Variants in XPR1 observed in about 807,000 individuals in gnomAD.
XPR1 encodes the protein solute carrier family 53 member 1.
A neutral mutation model predicts 87.5 loss-of-function variants in XPR1; 28 were observed. The observed-to-expected ratio is 0.32, with a 90% CI of 0.24 to 0.44. The LOEUF is 0.44. XPR1 is among the 20% of genes least tolerant of loss of function. The pLI is 1.00. For synonymous variants in XPR1, 300 were observed against 306.1 expected, an observed-to-expected ratio of 0.98 and a Z score of 0.21; for missense variants, 559 against 862.3, an observed-to-expected ratio of 0.65 and a Z score of 4.41.
At chr1:180,650,079 A>T (rs982068863) in intron 1 of XPR1, among the ~76,000 whole-genome samples, 1 of 152,006 alleles carries the variant, frequency 6.6e-6, no homozygotes, top group African/African-American at 2.4e-5. Context: ...AAAACCTCTT[A>T]TCTGCTGCTG....
At chr1:180,883,379 C>T (rs1448638311) in intron 14 of XPR1, among the ~76,000 whole-genome samples, 3 of 151,856 alleles carry the variant, frequency 2.0e-5, no homozygotes, top group South Asian at 2.1e-4. Context: ...GAGATGGAAA[C>T]GGGCACTCAA....
intron 2 of XPR1, among the ~76,000 whole-genome samples, chr1:180,757,424 GA>G (rs1647790139): frequency 6.7e-6 from 1 of 149,614 alleles, no homozygotes; most frequent in South Asian, 2.1e-4. Flanking sequence ...GAATACATCA[GA>G]AAAAAACTAA....
At chr1:180,673,022 C>T (rs572384320) in intron 1 of XPR1, among the ~76,000 whole-genome samples, 5 of 152,102 alleles carry the variant, frequency 3.3e-5, no homozygotes, top group East Asian at 1.9e-4. Context: ...ACTGTTGAAG[C>T]GAATGAGAGC....
At chr1:180,791,772 T>A (rs1166656751) in intron 3 of XPR1, among the ~76,000 whole-genome samples, 1 of 152,252 alleles carries the variant, frequency 6.6e-6, no homozygotes, top group Non-Finnish European at 1.5e-5. Context: ...TCTATTTGAT[T>A]TTTTAAATGC....
At chr1:180,646,768 G>A (rs1205287559) in intron 1 of XPR1, among the ~76,000 whole-genome samples, 1 of 152,098 alleles carries the variant, frequency 6.6e-6, no homozygotes, top group Non-Finnish European at 1.5e-5. Context: ...AAAGAGGCGT[G>A]GGTGGAAGTA....
At chr1:180,734,157 A>T (rs926360167) in intron 2 of XPR1, among the ~76,000 whole-genome samples, 1 of 152,152 alleles carries the variant, frequency 6.6e-6, no homozygotes, top group Non-Finnish European at 1.5e-5. Flanking sequence ...AGTGTTGGAC[A>T]TGTTAAGTTT....
At chr1:180,656,386 T>TA (rs1176428922) in intron 1 of XPR1, among the ~76,000 whole-genome samples, 9 of 98,020 alleles carry the variant, frequency 9.2e-5, no homozygotes, top group Admixed American at 3.5e-4. Context: ...ATAATATTCA[T>TA]GTATTTATAT....
intron 4 of XPR1, among the ~76,000 whole-genome samples, chr1:180,805,130 T>C (rs1000488547): frequency 6.6e-6 from 1 of 152,194 alleles, no homozygotes; most frequent in South Asian, 2.1e-4. Context: ...GAAAGGAAGA[T>C]TGATTAAAAG....
intron 2 of XPR1, among the ~76,000 whole-genome samples, chr1:180,686,595 C>T (rs1258895747): frequency 6.6e-6 from 1 of 152,062 alleles, no homozygotes; most frequent in Non-Finnish European, 1.5e-5. Context: ...GTGTTAAAGT[C>T]TCCCATTGCT....
intron 11 of XPR1, among the ~76,000 whole-genome samples, chr1:180,859,800 G>T (rs1571900945): frequency 6.6e-6 from 1 of 152,040 alleles, no homozygotes; most frequent in East Asian, 1.9e-4. Flanking sequence ...TAAAAAATTA[G>T]AGTGTGATTC....
chr1:180,811,758 A>G (rs745620326), intron 7 of XPR1, among the ~76,000 whole-genome samples: 1 of 152,054 alleles, frequency 6.6e-6, no homozygotes, highest in Non-Finnish European at 1.5e-5. Flanking sequence ...TATAACTTCT[A>G]TATAATTTTT....
chr1:180,660,552 A>G (rs1340297816), intron 1 of XPR1, among the ~76,000 whole-genome samples: 1 of 151,970 alleles, frequency 6.6e-6, no homozygotes, highest in Admixed American at 6.6e-5. Flanking sequence ...TGTTTCCATT[A>G]TCATTTGTTT....
At chr1:180,712,881 T>G (rs144433313) in intron 2 of XPR1, among the ~76,000 whole-genome samples, 3,101 of 151,472 alleles carry the variant, frequency 0.02, 43 homozygotes, top group African/African-American at 0.024. Flanking sequence ...ATTTCTTGAT[T>G]ACTATAGCTT....
chr1:180,748,429 T>TTTTTTTG, intron 2 of XPR1, among the ~76,000 whole-genome samples: 1 of 112,558 alleles, frequency 8.9e-6, no homozygotes, highest in African/African-American at 4.2e-5. Flanking sequence ...TTTTTTTTTT[T>TTTTTTTG]TTTTTTGAGA....
chr1:180,706,224 C>T (rs1018233822), intron 2 of XPR1, among the ~76,000 whole-genome samples: 3 of 152,152 alleles, frequency 2.0e-5, no homozygotes, highest in Non-Finnish European at 4.4e-5. Context: ...ATTTATAGAC[C>T]TTCGTGGGTT....
At chr1:180,860,337 C>G (rs560181287) in intron 11 of XPR1, among the ~76,000 whole-genome samples, 1 of 152,182 alleles carries the variant, frequency 6.6e-6, no homozygotes, top group African/African-American at 2.4e-5. Context: ...ACTTACCATA[C>G]AACCCAACAG....
chr1:180,774,659 G>A (rs146894057), intron 2 of XPR1, among the ~76,000 whole-genome samples: 3,599 of 151,756 alleles, frequency 0.024, 64 homozygotes, highest in Middle Eastern at 0.085. Context: ...TGCCTGCCTC[G>A]GCCGCCCAAA....
At chr1:180,675,451 C>A (rs1656336503) in intron 1 of XPR1, among the ~76,000 whole-genome samples, 1 of 152,112 alleles carries the variant, frequency 6.6e-6, no homozygotes, top group Non-Finnish European at 1.5e-5. Context: ...AAAGGAAACA[C>A]CTTTTCTTAT....
intron 2 of XPR1, among the ~76,000 whole-genome samples, chr1:180,716,400 C>G (rs990922803): frequency 6.6e-6 from 1 of 152,062 alleles, no homozygotes; most frequent in Admixed American, 6.6e-5. Context: ...GAATATTTAC[C>G]GTCTAATTTT....
Sources: allele counts gnomAD v4.1 joint callset (sites outside exome capture counted in the v4.1 genomes callset), GRCh38; gene constraint gnomAD v4.1.1; transcripts MANE v1.5; gene names NCBI Gene and HGNC (gene_info 2026-07-23, HGNC 2026-07-21).